Variants in TBC1D8 observed in about 807,000 individuals in gnomAD.
TBC1D8 encodes the protein BUB2-like protein 1.
Under a neutral mutation model 118.8 loss-of-function variants are expected in TBC1D8, and 65 were observed. The observed-to-expected ratio is 0.55, with a 90% CI of 0.45 to 0.67. The LOEUF (loss-of-function observed/expected upper bound fraction) is 0.67, where lower values mean the gene tolerates loss of function less well. TBC1D8 is among the 30% of genes least tolerant of loss of function. The probability of loss-of-function intolerance (pLI) is 0.00; values close to 1 mark genes in which losing one functional copy is unlikely to be tolerated. For synonymous variants in TBC1D8, 566 were observed against 595.8 expected (o/e 0.95, Z 0.73); for missense variants, 1,376 against 1,471.2 (o/e 0.94, Z 1.06).
intron 3 of TBC1D8, among the ~76,000 whole-genome samples, chr2:101,057,551 C>T (rs887569437): frequency 1.3e-5 from 2 of 152,206 alleles, no homozygotes; most frequent in Admixed American, 1.3e-4. Flanking sequence ...TTTGGCTGGG[C>T]GTGGTGGCTC....
At chr2:101,107,274 T>G (rs933369152) in intron 1 of TBC1D8, among the ~76,000 whole-genome samples, 2 of 152,198 alleles carry the variant, frequency 1.3e-5, no homozygotes, top group Non-Finnish European at 2.9e-5. Context: ...TAATTGTAGG[T>G]GTCAACTTGA....
At chr2:101,134,197 T>TCACA (rs59427291) in intron 1 of TBC1D8, among the ~76,000 whole-genome samples, 9 of 73,568 alleles carry the variant, frequency 1.2e-4, no homozygotes, top group Admixed American at 1.5e-4. Context: ...TCTCTCTCTC[T>TCACA]CACACACACA....
chr2:101,134,080 C>T (rs926469159), intron 1 of TBC1D8, among the ~76,000 whole-genome samples: 10 of 152,222 alleles, frequency 6.6e-5, no homozygotes, highest in African/African-American at 2.4e-4. Flanking sequence ...TGTGGGGACA[C>T]AGAGCCAAAC....
chr2:101,125,775 C>T (rs1678322355), intron 1 of TBC1D8, among the ~76,000 whole-genome samples: 1 of 152,178 alleles, frequency 6.6e-6, no homozygotes, highest in Admixed American at 6.5e-5. Context: ...AAACCATTAC[C>T]TTTCCTTAAT....
intron 1 of TBC1D8, among the ~76,000 whole-genome samples, chr2:101,111,159 A>G (rs937573313): frequency 6.6e-6 from 1 of 152,226 alleles, no homozygotes; most frequent in African/African-American, 2.4e-5. Flanking sequence ...TAAAATTCAT[A>G]ATCCAAATTA....
intron 1 of TBC1D8, chr2:101,109,902 A>C: frequency 1.0e-6 from 1 of 985,516 alleles, no homozygotes; most frequent in Non-Finnish European, 1.2e-6. Flanking sequence ...TCTTTGCTGC[A>C]TCTCCAGGAA....
At chr2:101,094,535 A>G (rs1415067702) in intron 1 of TBC1D8, among the ~76,000 whole-genome samples, 1 of 152,234 alleles carries the variant, frequency 6.6e-6, no homozygotes, top group Non-Finnish European at 1.5e-5. Flanking sequence ...CTAGTTTGAT[A>G]AAAACCGGAG....
At chr2:101,057,236 C>T (rs1338525894) in intron 3 of TBC1D8, among the ~76,000 whole-genome samples, 1 of 152,144 alleles carries the variant, frequency 6.6e-6, no homozygotes, top group African/African-American at 2.4e-5. Context: ...GCTCCTGTAC[C>T]AGAAAGAGGA....
chr2:101,008,359 AAAC>A (rs1678906344), intron 19 of TBC1D8, 86 bp from the exon 20 acceptor site: 5 of 1,058,488 alleles, frequency 4.7e-6, no homozygotes, highest in Non-Finnish European at 6.6e-6. Flanking sequence ...AGCTTTGAGA[AAAC>A]GACACAGTAT....
chr2:101,101,769 A>C (rs939531069), intron 1 of TBC1D8, among the ~76,000 whole-genome samples: 5 of 152,188 alleles, frequency 3.3e-5, no homozygotes, highest in Admixed American at 1.3e-4. Flanking sequence ...GCTGGAAGCC[A>C]TGATCCTCAG....
chr2:101,079,680 GTTTTTT>G (rs35466679), intron 2 of TBC1D8, among the ~76,000 whole-genome samples: 2 of 81,806 alleles, frequency 2.4e-5, no homozygotes, highest in Admixed American at 1.8e-4. Flanking sequence ...GTCCAGTCTG[GTTTTTT>G]TTTTTTTTTT....
chr2:101,008,792 CAA>C (rs1167852748), intron 19 of TBC1D8, among the ~76,000 whole-genome samples: 1 of 148,834 alleles, frequency 6.7e-6, no homozygotes. Context: ...GCCTGGGCAA[CAA>C]GAGTAAAACT....
intron 1 of TBC1D8, among the ~76,000 whole-genome samples, chr2:101,130,458 C>T (rs1023956771): frequency 6.6e-6 from 1 of 152,190 alleles, no homozygotes; most frequent in African/African-American, 2.4e-5. Flanking sequence ...CGCCCCAGTG[C>T]TTTTGATCCT....
Position 101,022,484 on chromosome 2 carries a change from C to T in TBC1D8, c.2558G>A (p.Arg853Lys). The change falls in exon 16 of 20, where the codon AGG (arginine) becomes AAG (lysine). Residue 853 changes from arginine to lysine, a missense_variant. Arg to Lys is a conservative substitution (Grantham distance 26). Coordinates refer to ENST00000409318, the MANE Select transcript of TBC1D8 (RefSeq NM_001330348.2). ...GGGGTCGTGGCGTGAGGCCATGGGC[C>T]TGGGCTGCTCCCAGTAACAGCTCAT... ...HMMSCYWEQP[R>K]PMASRHDPSR... 1 of 1,601,952 alleles carries T rather than the reference C, an allele frequency of 6.2e-7. No homozygotes were observed. The highest frequency in any genetic ancestry group is 2.2e-5 in the East Asian group (1 of 44,794).
intron 9 of TBC1D8, among the ~76,000 whole-genome samples, 193 bp from the exon 10 acceptor site, chr2:101,033,951 G>A (rs565934858): frequency 1.3e-5 from 2 of 152,256 alleles, no homozygotes; most frequent in East Asian, 3.9e-4. Context: ...ATCACTTGAG[G>A]TCAGGAGTTC....
intron 1 of TBC1D8, among the ~76,000 whole-genome samples, chr2:101,119,914 T>C (rs1678021201): frequency 6.6e-6 from 1 of 152,158 alleles, no homozygotes; most frequent in Admixed American, 6.5e-5. Flanking sequence ...CTCTCTTATC[T>C]GCAACATGAA....
Position 101,028,414 on chromosome 2 carries a change from C to G in TBC1D8, c.2241G>C (p.Lys747Asn), listed in dbSNP as rs1019590452. ...CTGGGGGCCCTGGGCTGTCCTCATTCTTAATGTGATCTAGAAACCTGAACA... is the reference window on the plus strand; with the variant it reads ...CTGGGGGCCCTGGGCTGTCCTCATTGTTAATGTGATCTAGAAACCTGAACA... ...MILSRFLDHI[K>N]NEDSPGPPVG... The change falls in exon 13 of 20, where the codon AAG (lysine) becomes AAC (asparagine). Residue 747 changes from lysine (K) to asparagine (N), a missense_variant. Lys to Asn is a moderately conservative substitution (Grantham distance 94). Transcript: ENST00000409318. The G allele has an allele frequency of 6.3e-7, 1 of 1,585,910 alleles. No individual in the cohort carries two copies. The highest frequency in any genetic ancestry group is 1.2e-5 in the South Asian group (1 of 86,868).
intron 4 of TBC1D8, among the ~76,000 whole-genome samples, chr2:101,053,741 T>C (rs563255120): frequency 6.6e-6 from 1 of 152,322 alleles, no homozygotes; most frequent in South Asian, 2.1e-4. Context: ...AGTCCCGACC[T>C]TCAGCGCCAG....
rs776051192 is a variant in TBC1D8 at position 101,037,546 on chromosome 2, G to A, written c.1438C>T (p.Pro480Ser). 4.3e-6 allele frequency: 7 copies of A among 1,612,380 alleles called. No homozygotes were observed. The highest frequency in any genetic ancestry group is 2.7e-5 in the African/African-American group (2 of 74,898). The part of the protein sequence containing the change: ...TAFQQSGSQS[P>S]DSRMSREQIK... Reference sequence around the variant, plus strand: ...GCGTCACCCACCATTCGGGAGTCAGGGCTCTGGCTGCCTGACTGCTGGAAG... The same window carrying A: ...GCGTCACCCACCATTCGGGAGTCAGAGCTCTGGCTGCCTGACTGCTGGAAG... The change falls in exon 8 of 20, where the codon CCT (proline) becomes TCT (serine). Residue 480 changes from proline (P) to serine (S), a missense_variant. Transcript: ENST00000409318.
Sources: gnomAD v4.1 joint callset for allele counts (sites outside exome capture counted in the v4.1 genomes callset) on GRCh38, gnomAD v4.1.1 for gene constraint, MANE v1.5 for transcripts, NCBI Gene and HGNC (gene_info 2026-07-23, HGNC 2026-07-21) for gene names.